The following DDC variants were observed in gnomAD, a reference collection of about 807,000 sequenced individuals.
The protein encoded by DDC is aromatic-L-amino-acid decarboxylase.
Under a neutral mutation model 60.0 loss-of-function variants are expected in DDC, and 43 were observed. The ratio of observed to expected loss-of-function variants is 0.72; its 90% CI spans 0.56 to 0.92. DDC has a LOEUF of 0.92. Ranked by LOEUF, DDC falls within the 40% of genes least tolerant of loss-of-function variation. The probability of loss-of-function intolerance (pLI) is 0.00; values close to 1 mark genes in which losing one functional copy is unlikely to be tolerated. For missense variants in DDC, 573 were observed against 620.2 expected (o/e 0.92, Z 0.81); for synonymous variants, 232 against 234.6 (o/e 0.99, Z 0.10).
At chr7:50,481,355 G>A (rs2042763654) in intron 9 of DDC, among the ~76,000 whole-genome samples, 1 of 152,168 alleles carries the variant, frequency 6.6e-6, no homozygotes, top group African/African-American at 2.4e-5. Flanking sequence ...TTTATGGGGA[G>A]CCACTGGTTG....
At chr7:50,552,128 C>T (rs2045017299) in intron 1 of DDC, among the ~76,000 whole-genome samples, 1 of 152,186 alleles carries the variant, frequency 6.6e-6, no homozygotes, top group African/African-American at 2.4e-5. Flanking sequence ...AAATTATTCT[C>T]TGTTATTTAT....
intron 1 of DDC, among the ~76,000 whole-genome samples, chr7:50,559,161 A>G (rs2045275197): frequency 6.6e-6 from 1 of 152,180 alleles, no homozygotes. Context: ...CCTTTACAGC[A>G]ATGCGAAGAG....
At chr7:50,534,415 G>A (rs1291416236) in intron 4 of DDC, among the ~76,000 whole-genome samples, 1 of 152,136 alleles carries the variant, frequency 6.6e-6, no homozygotes, top group Non-Finnish European at 1.5e-5. Flanking sequence ...TGGGCAAAAT[G>A]GCAAAACCCT....
intron 4 of DDC, among the ~76,000 whole-genome samples, chr7:50,536,261 CT>C (rs1042360881): frequency 1.3e-5 from 2 of 152,154 alleles, no homozygotes; most frequent in African/African-American, 4.8e-5. Context: ...TGAAAGCCCC[CT>C]CCCTGCTTTG....
intron 1 of DDC, among the ~76,000 whole-genome samples, chr7:50,553,932 C>T (rs1179138479): frequency 1.3e-5 from 2 of 152,102 alleles, no homozygotes; most frequent in South Asian, 2.1e-4. Context: ...GATAAACTTG[C>T]CTCAAAAAAA....
At chr7:50,467,166 C>T (rs2042417268) in intron 13 of DDC, 48 bp downstream of exon 13, 2 of 1,481,868 alleles carry the variant, frequency 1.3e-6, no homozygotes, top group Non-Finnish European at 1.9e-6. Flanking sequence ...ACACTTTCCC[C>T]TCTGTCACAT....
rs185260677 is a variant in DDC at position 50,563,272 on chromosome 7, G to T, written c.-29+2013C>A. Among the ~76,000 whole-genome samples, 162 of 152,138 alleles carry T rather than the reference G, an allele frequency of 1.1e-3. 2 individuals are homozygous for T. Among genetic ancestry groups the T allele is most frequent in the Admixed American group, 7.4e-3 (113 of 15,288 alleles). Reference sequence around the variant, plus strand: ...TTGAATTGCAGTCAGAGAACATGTTGGTGTGAGAGCAGTTCTCTGATAGAT... The same window carrying T: ...TTGAATTGCAGTCAGAGAACATGTTTGTGTGAGAGCAGTTCTCTGATAGAT... On this transcript the variant is annotated intron_variant, in intron 1 of 14. Coordinates refer to ENST00000444124, the MANE Select transcript of DDC (RefSeq NM_001082971.2).
intron 8 of DDC, among the ~76,000 whole-genome samples, chr7:50,498,149 C>T (rs962887033): frequency 2.6e-5 from 4 of 152,216 alleles, no homozygotes; most frequent in Non-Finnish European, 4.4e-5. Flanking sequence ...AATCCCACAC[C>T]GGATGTATTC....
chr7:50,492,385 T>C (rs2043015378), intron 9 of DDC, among the ~76,000 whole-genome samples: 1 of 152,274 alleles, frequency 6.6e-6, no homozygotes, highest in South Asian at 2.1e-4. Flanking sequence ...TGGAGAGATC[T>C]GATTTTTCCA....
chr7:50,512,721 C>T (rs1211004931), intron 6 of DDC, among the ~76,000 whole-genome samples: 1 of 152,176 alleles, frequency 6.6e-6, no homozygotes, highest in East Asian at 1.9e-4. Context: ...TACACCCTGC[C>T]CATTGCTGCA....
At chr7:50,562,894 C>T (rs1275578988) in intron 1 of DDC, among the ~76,000 whole-genome samples, 4 of 152,100 alleles carry the variant, frequency 2.6e-5, no homozygotes, top group Admixed American at 6.5e-5. Context: ...ACTGCCGGGC[C>T]CAGTGGCTCA....
chr7:50,502,351 C>A (rs544842260), intron 7 of DDC, among the ~76,000 whole-genome samples: 1 of 152,170 alleles, frequency 6.6e-6, no homozygotes, highest in Non-Finnish European at 1.5e-5. Flanking sequence ...CATGGTCCAG[C>A]GGGCAGCCCA....
At chr7:50,480,000 G>T in intron 9 of DDC, 137 bp from the exon 10 acceptor site, 1 of 709,798 alleles carries the variant, frequency 1.4e-6, no homozygotes, top group Non-Finnish European at 2.5e-6. Context: ...GCACGGCCCT[G>T]TCTCTGCTCC....
At chr7:50,538,113 C>T (rs2044479599) in intron 3 of DDC, 134 bp from the exon 4 acceptor site, 4 of 1,111,144 alleles carry the variant, frequency 3.6e-6, no homozygotes, top group African/African-American at 3.1e-5. Flanking sequence ...GATTCAAAGG[C>T]CTGAAGGCTG....
rs187474601 is a variant in DDC at position 50,518,957 on chromosome 7, A to G, written c.714+9180T>C. On this transcript the variant is annotated intron_variant, in intron 6 of 14. Coordinates refer to ENST00000444124, the MANE Select transcript of DDC (RefSeq NM_001082971.2). Reference sequence around the variant, plus strand: ...AGTCAGCAGGGTAAACAGACAACCCACAGAGTGGGAGGAAATCTTCACAAT... The same window carrying G: ...AGTCAGCAGGGTAAACAGACAACCCGCAGAGTGGGAGGAAATCTTCACAAT... 7.5e-3 allele frequency among the ~76,000 whole-genome samples: 1,147 copies of G among 152,360 alleles called. 19 individuals are homozygous for G. Among genetic ancestry groups the G allele is most frequent in the African/African-American group, 0.025 (1,037 of 41,586 alleles).
Position 50,486,443 on chromosome 7 carries a change from TATAAGTTTC to T in DDC, c.945-6589_945-6581del, listed in dbSNP as rs567453741. 1.7e-4 allele frequency among the ~76,000 whole-genome samples: 26 copies of T among 152,276 alleles called. 1 individual carries two copies. The South Asian group carries it at 5.2e-3, about 30-fold the overall frequency. On this transcript the variant is annotated intron_variant, in intron 9 of 14. Transcript: ENST00000444124. ...TGGGTATAGTGAGATCAAATGAAAA[TATAAGTTTC>T]ATAGCTATCAAATAAACAAATCAGT...
rs563210212 is a variant in DDC at position 50,498,474 on chromosome 7, A to G, written c.876+674T>C. Among the ~76,000 whole-genome samples, 11 of 152,340 alleles carry G rather than the reference A, an allele frequency of 7.2e-5. No individual in the cohort carries two copies. In the East Asian group the frequency reaches 1.5e-3, roughly 21 times the overall value. ...TTGGGGAGAAGAGACTTCCTACCCT[A>G]TGAGCCACCACCAACAATGAAATCC... On this transcript the variant is annotated intron_variant, in intron 8 of 14. Transcript: ENST00000444124.
At chr7:50,511,563 C>G (rs2043581666) in intron 6 of DDC, among the ~76,000 whole-genome samples, 1 of 151,940 alleles carries the variant, frequency 6.6e-6, no homozygotes, top group Non-Finnish European at 1.5e-5. Context: ...CGTGTCTCTA[C>G]TAAAAATACA....
intron 1 of DDC, among the ~76,000 whole-genome samples, chr7:50,549,577 C>G (rs1209710662): frequency 6.6e-6 from 1 of 151,602 alleles, no homozygotes; most frequent in African/African-American, 2.4e-5. Flanking sequence ...TGGCATGAAC[C>G]TGGGAGGCGG....
Sources: gnomAD v4.1 joint callset for allele counts (sites outside exome capture counted in the v4.1 genomes callset) on GRCh38, gnomAD v4.1.1 for gene constraint, MANE v1.5 for transcripts, NCBI Gene and HGNC (gene_info 2026-07-23, HGNC 2026-07-21) for gene names.